TRIM6: variants seen among roughly 807,000 people sequenced by gnomAD.
The protein encoded by TRIM6 is tripartite motif containing 6.
A neutral mutation model predicts 51.2 loss-of-function variants in TRIM6; 43 were observed. The observed-to-expected ratio is 0.84, with a 90% CI of 0.66 to 1.08. TRIM6 has a LOEUF of 1.08. Among genes scored for constraint, TRIM6 ranks in the 50% least tolerant of loss-of-function variants. The pLI is 0.00. For synonymous variants in TRIM6, 215 were observed against 232.4 expected (o/e 0.93, Z 0.68); for missense variants, 669 against 619.0 (o/e 1.08, Z -0.86).
At position 5,608,847 on chromosome 11, in the gene TRIM6, A is replaced by ATTTTTTTTTTTTT. The variant is rs370630648; in HGVS notation, c.857+462_857+474dup. ...ACACAGGAATTTTCTTTGCCCATAA[A>ATTTTTTTTTTTTT]TTTTTTTTTTTTTTTTTTTTTGAGA... On this transcript the variant is annotated intron_variant, in intron 5 of 7. Transcript: ENST00000380097. Among the ~76,000 whole-genome samples, 22 of 101,890 alleles carry ATTTTTTTTTTTTT rather than the reference A, an allele frequency of 2.2e-4. 1 individual carries two copies. Among genetic ancestry groups the ATTTTTTTTTTTTT allele is most frequent in the African/African-American group, 6.4e-4 (15 of 23,376 alleles). The allele number at this position is 101,890 out of a possible 152,430, so 66.8% of individuals were successfully genotyped here. A position where few individuals can be genotyped will look rare whatever the true frequency, so the allele number is the denominator to read the frequency against.
chr11:5,604,799 T>A lies in TRIM6; in HGVS notation c.603+170T>A. On this transcript the variant is annotated intron_variant, in intron 3 of 7. Transcript: ENST00000380097. ...TTCCAAACAGGGGGAGGAGAGGAGG[T>A]AAATAGCAAATATATCAAAACTGAA... 7 of 619,904 alleles carry A rather than the reference T, an allele frequency of 1.1e-5. No individual in the cohort carries two copies. In the South Asian group the frequency reaches 2.0e-4, roughly 18 times the overall value. 38.4% of individuals were successfully genotyped at this position (619,904 alleles called of 1,614,324 possible). A position where few individuals can be genotyped will look rare whatever the true frequency, so the allele number is the denominator to read the frequency against.
At position 5,608,246 on chromosome 11, in the gene TRIM6, T is replaced by C. The variant is rs558144335; in HGVS notation, c.835-126T>C. ...GTCTGCCCTGAGTTTTTTCTCTACT[T>C]TGTGGCCTCCACATTAGGATTATCT... On this transcript the variant is annotated intron_variant, in intron 4 of 7. Transcript: ENST00000380097. 1.1e-3 allele frequency: 1,519 copies of C among 1,416,956 alleles called. 3 individuals carry two copies. The highest frequency in any genetic ancestry group is 1.4e-3 in the Non-Finnish European group (1,436 of 1,056,984). The allele number at this position is 1,416,956 out of a possible 1,614,324, so 87.8% of individuals were successfully genotyped here. A position where few individuals can be genotyped will look rare whatever the true frequency, so the allele number is the denominator to read the frequency against.
Position 5,603,733 on chromosome 11 carries a change from C to CAGG in TRIM6, c.506_507+1dup. The CAGG allele has an allele frequency of 1.5e-5, 25 of 1,613,060 alleles. No homozygotes were observed. Among genetic ancestry groups the CAGG allele is most frequent in the Non-Finnish European group, 2.1e-5 (25 of 1,179,652 alleles). ...CGTGGAGGAGGTTGCCCAGGAGTAC[C>CAGG]AGGTGAGACCCCAGGATGGAATGGG... On this transcript the variant is annotated inframe_insertion and splice_region_variant, in exon 2 of 8. Transcript: ENST00000380097.
intron 5 of TRIM6, among the ~76,000 whole-genome samples, chr11:5,609,905 A>G (rs1848468310): frequency 6.6e-6 from 1 of 152,126 alleles, no homozygotes; most frequent in Non-Finnish European, 1.5e-5. Context: ...CCTGGGTGAC[A>G]GAGCGAGACT....
At position 5,605,320 on chromosome 11, in the gene TRIM6, C is replaced by G; in HGVS notation, c.604-17C>G. The G allele has an allele frequency of 6.2e-7, 1 of 1,613,832 alleles. No individual in the cohort carries two copies. Among genetic ancestry groups the G allele is most frequent in the South Asian group, 1.1e-5 (1 of 91,070 alleles). On this transcript the variant is annotated splice_polypyrimidine_tract_variant and intron_variant, in intron 3 of 7. Coordinates refer to ENST00000380097, the MANE Select transcript of TRIM6 (RefSeq NM_001003818.3). The stretch of plus-strand genomic sequence containing the variant: ...TGTGACCGACTAGCAGCCTCTTTTT[C>G]TTCCCTGTTCCTGAAGAATCAGATG...
chr11:5,601,527 G>A (rs1847849203), intron 1 of TRIM6, among the ~76,000 whole-genome samples: 1 of 152,122 alleles, frequency 6.6e-6, no homozygotes, highest in Non-Finnish European at 1.5e-5. Context: ...GGAGGCCAAG[G>A]CAGGCAGATC....
intron 4 of TRIM6, among the ~76,000 whole-genome samples, chr11:5,606,281 GTA>G (rs1848202911): frequency 1.3e-5 from 2 of 152,174 alleles, no homozygotes; most frequent in Non-Finnish European, 2.9e-5. Context: ...GCTCTGGTCT[GTA>G]TGTGTGTAGG....
intron 2 of TRIM6, among the ~76,000 whole-genome samples, chr11:5,604,034 C>T (rs1033362824): frequency 1.1e-4 from 17 of 152,074 alleles, no homozygotes; most frequent in Admixed American, 2.6e-4. Flanking sequence ...CTCGCTCTGT[C>T]GCCCAGGTTG....
At chr11:5,609,595 AAAC>A (rs1207790908) in intron 5 of TRIM6, among the ~76,000 whole-genome samples, 2 of 152,210 alleles carry the variant, frequency 1.3e-5, no homozygotes, top group African/African-American at 4.8e-5. Context: ...TATTTTCTAA[AAAC>A]AACAACAGAA....
chr11:5,606,799 G>A (rs1226693062), intron 4 of TRIM6, among the ~76,000 whole-genome samples: 3 of 151,974 alleles, frequency 2.0e-5, no homozygotes, highest in Admixed American at 6.6e-5. Context: ...ACTGCCCCAC[G>A]GACATTTAAA....
Position 5,612,560 on chromosome 11 carries a change from G to C in TRIM6, c.*1218G>C, listed in dbSNP as rs1848617029. 1 of 152,202 alleles carries C rather than the reference G, an allele frequency of 6.6e-6. No homozygotes were observed. The highest frequency in any genetic ancestry group is 1.5e-5 in the Non-Finnish European group (1 of 68,030). 9.4% of individuals were successfully genotyped at this position (152,202 alleles called of 1,614,324 possible). A position where few individuals can be genotyped will look rare whatever the true frequency, so the allele number is the denominator to read the frequency against. On this transcript the variant is annotated 3_prime_UTR_variant, in exon 8 of 8. Coordinates refer to ENST00000380097, the MANE Select transcript of TRIM6 (RefSeq NM_001003818.3). ...ACAATATAAAGCACTTAAAGGAAGA[G>C]GATGATTTCTTCCAGCTTTTCCACA...
intron 6 of TRIM6, 76 bp from the exon 7 acceptor site, chr11:5,610,459 A>T: frequency 6.2e-7 from 1 of 1,611,068 alleles, no homozygotes; most frequent in Non-Finnish European, 8.5e-7. Flanking sequence ...ATTCCCCTCA[A>T]TGTAGTAAGG....
chr11:5,600,233 A>G (rs7121553), intron 1 of TRIM6, among the ~76,000 whole-genome samples: 132,387 of 152,176 alleles, frequency 0.87, 58,443 homozygotes, highest in Middle Eastern at 0.96. Context: ...GCCACTTGAA[A>G]GATCTACTAA....
rs750150487 is a variant in TRIM6 at position 5,596,851 on chromosome 11, A to G, written c.-47A>G. 1.1e-5 allele frequency: 18 copies of G among 1,613,434 alleles called. No homozygotes were observed. Among genetic ancestry groups the G allele is most frequent in the Non-Finnish European group, 1.4e-5 (17 of 1,179,808 alleles). The stretch of plus-strand genomic sequence containing the variant: ...TGGATTGCTCTGAAGAGCTTTGACC[A>G]CCTGATATTGCTTACATCTGGAACT... On this transcript the variant is annotated 5_prime_UTR_variant, in exon 1 of 8. Transcript: ENST00000380097.
chr11:5,600,386 C>A (rs1016213274), intron 1 of TRIM6, among the ~76,000 whole-genome samples: 1 of 147,516 alleles, frequency 6.8e-6, no homozygotes, highest in Admixed American at 6.6e-5. Context: ...CTGTGAGCAT[C>A]GCTGCTGCTA....
chr11:5,604,021 C>T (rs10769115), intron 2 of TRIM6, among the ~76,000 whole-genome samples: 39,149 of 151,722 alleles, frequency 0.26, 5,300 homozygotes, highest in East Asian at 0.43. Context: ...TTTGAGAAGG[C>T]GTCTCGCTCT....
At chr11:5,609,723 C>T (rs764775825) in intron 5 of TRIM6, among the ~76,000 whole-genome samples, 2 of 152,150 alleles carry the variant, frequency 1.3e-5, no homozygotes, top group Non-Finnish European at 2.9e-5. Context: ...GAGATCAAAA[C>T]CATCCTGGCT....
chr11:5,603,733 C>T lies in TRIM6; in HGVS notation c.505C>T (p.Gln169Ter), dbSNP rs1330842657. 4 of 1,612,942 alleles carry T rather than the reference C, an allele frequency of 2.5e-6. No homozygotes were observed. The highest frequency in any genetic ancestry group is 2.5e-6 in the Non-Finnish European group (3 of 1,179,660). ...FLVEEVAQEY[Q>*]EKFQESLKKL... The stretch of plus-strand genomic sequence containing the variant: ...CGTGGAGGAGGTTGCCCAGGAGTAC[C>T]AGGTGAGACCCCAGGATGGAATGGG... The change falls in exon 2 of 8, where the codon CAG becomes TAG. Residue 169 changes from glutamine to a stop codon, truncating the protein, a stop_gained and splice_region_variant. Transcript: ENST00000380097. LOFTEE classifies it high-confidence loss of function.
At chr11:5,608,846 A>ATTTTTTT (rs1848384796) in intron 5 of TRIM6, among the ~76,000 whole-genome samples, 1 of 91,606 alleles carries the variant, frequency 1.1e-5, no homozygotes, top group Non-Finnish European at 2.1e-5. Flanking sequence ...TTTGCCCATA[A>ATTTTTTT]ATTTTTTTTT....
Sources: allele counts gnomAD v4.1 joint callset (sites outside exome capture counted in the v4.1 genomes callset), GRCh38; gene constraint gnomAD v4.1.1; transcripts MANE v1.5; gene names NCBI Gene and HGNC (gene_info 2026-07-23, HGNC 2026-07-21).